The following SRP54 variants were observed in gnomAD, a reference collection of about 807,000 sequenced individuals.
The protein encoded by SRP54 is signal recognition particle subunit SRP54.
A neutral mutation model predicts 64.8 loss-of-function variants in SRP54; 10 were observed. The ratio of observed to expected loss-of-function variants is 0.15; its 90% CI spans 0.10 to 0.26. The LOEUF (loss-of-function observed/expected upper bound fraction) is 0.26, where lower values mean the gene tolerates loss of function less well. Among genes scored for constraint, SRP54 ranks in the 10% least tolerant of loss-of-function variants. The pLI is 1.00. For synonymous variants in SRP54, 193 were observed against 185.6 expected (o/e 1.04, Z -0.32); for missense variants, 325 against 613.7 (o/e 0.53, Z 4.97).
rs1423416501 is a variant in SRP54 at position 34,998,989 on chromosome 14, G to T, written c.79-569G>T. Reference sequence around the variant, plus strand: ...TTTGTGTGTATGTGTGTGTGTGTGTGTGTGTGTGTGTGTGTGTGTGTGTGG... The same window carrying T: ...TTTGTGTGTATGTGTGTGTGTGTGTTTGTGTGTGTGTGTGTGTGTGTGTGG... On this transcript the variant is annotated intron_variant, in intron 2 of 15. Transcript: ENST00000216774. 4.1e-3 allele frequency among the ~76,000 whole-genome samples: 388 copies of T among 94,514 alleles called. 3 individuals carry two copies. The highest frequency in any genetic ancestry group is 0.013 in the African/African-American group (369 of 29,464). 62.0% of individuals were successfully genotyped at this position (94,514 alleles called of 152,430 possible). A position where few individuals can be genotyped will look rare whatever the true frequency, so the allele number is the denominator to read the frequency against.
intron 14 of SRP54, among the ~76,000 whole-genome samples, chr14:35,026,875 G>A (rs372619831): frequency 6.6e-6 from 1 of 152,054 alleles, no homozygotes; most frequent in Non-Finnish European, 1.5e-5. Flanking sequence ...CCCGGGAGGC[G>A]GGGGTTGCAG....
intron 1 of SRP54, among the ~76,000 whole-genome samples, chr14:34,985,922 C>G (rs1341343143): frequency 6.6e-6 from 1 of 152,132 alleles, no homozygotes; most frequent in East Asian, 1.9e-4. Flanking sequence ...CCTCTTATCC[C>G]TCCTTTTCCT....
intron 13 of SRP54, among the ~76,000 whole-genome samples, chr14:35,020,274 A>C (rs2044507013): frequency 6.6e-6 from 1 of 152,190 alleles, no homozygotes; most frequent in Non-Finnish European, 1.5e-5. Context: ...TTGCTGGTGG[A>C]GGGCCTTAGC....
intron 1 of SRP54, among the ~76,000 whole-genome samples, chr14:34,986,763 C>T (rs2043901384): frequency 6.6e-6 from 1 of 151,746 alleles, no homozygotes; most frequent in Non-Finnish European, 1.5e-5. Context: ...CCTGTAATCC[C>T]AGCTACTTGG....
chr14:35,002,660 C>T (rs2044193813), intron 4 of SRP54, among the ~76,000 whole-genome samples: 1 of 148,874 alleles, frequency 6.7e-6, no homozygotes, highest in Non-Finnish European at 1.5e-5. Flanking sequence ...TGGTCTCTAT[C>T]TCTTGACCTA....
chr14:35,028,246 A>G (rs1029829194), intron 15 of SRP54, 63 bp downstream of exon 15: 1 of 1,015,910 alleles, frequency 9.8e-7, no homozygotes, highest in Non-Finnish European at 1.5e-6. Context: ...AGTTTTAATG[A>G]TAAGCCTTTT....
chr14:35,007,641 A>T (rs1333977794), intron 5 of SRP54, among the ~76,000 whole-genome samples: 33 of 87,688 alleles, frequency 3.8e-4, no homozygotes, highest in Admixed American at 3.8e-3. Context: ...TATTTATATT[A>T]TAATAAAATA....
intron 11 of SRP54, among the ~76,000 whole-genome samples, chr14:35,015,825 T>C (rs1402280315): frequency 6.6e-6 from 1 of 152,238 alleles, no homozygotes; most frequent in African/African-American, 2.4e-5. Context: ...TGCTGGTGTT[T>C]CTCAGGGATC....
chr14:35,027,287 C>T (rs1383534739), intron 14 of SRP54, among the ~76,000 whole-genome samples: 4 of 152,058 alleles, frequency 2.6e-5, no homozygotes, highest in Non-Finnish European at 4.4e-5. Flanking sequence ...GCCTCGGCCT[C>T]CCAGAGTGCT....
chr14:35,009,259 T>A (rs1487052231), intron 7 of SRP54, among the ~76,000 whole-genome samples: 1 of 151,576 alleles, frequency 6.6e-6, no homozygotes, highest in Admixed American at 6.6e-5. Context: ...TTGCCCAGGC[T>A]GGTCCCAAGC....
At chr14:35,006,288 T>C (rs1376604782) in intron 4 of SRP54, among the ~76,000 whole-genome samples, 3 of 152,238 alleles carry the variant, frequency 2.0e-5, no homozygotes, top group Admixed American at 1.3e-4. Flanking sequence ...GAATTTACAG[T>C]TTGACCTGGA....
chr14:35,005,846 G>A (rs1198091949), intron 4 of SRP54, among the ~76,000 whole-genome samples: 1 of 150,240 alleles, frequency 6.7e-6, no homozygotes, highest in Non-Finnish European at 1.5e-5. Flanking sequence ...GCTTTTTTTT[G>A]TTTTTGTTTT....
chr14:35,008,839 A>G lies in SRP54; in HGVS notation c.485+8A>G, dbSNP rs1351601451. ...AATTCCATTTTATGGAAGGTAGGTT[A>G]CTGTTTTTTATTTTAACACTTATAT... On this transcript the variant is annotated splice_region_variant and intron_variant, in intron 7 of 15. Transcript: ENST00000216774. 14 of 1,580,878 alleles carry G rather than the reference A, an allele frequency of 8.9e-6. No homozygotes were observed. The African/African-American group carries it at 1.2e-4, about 14-fold the overall frequency.
intron 1 of SRP54, among the ~76,000 whole-genome samples, chr14:34,983,653 G>A (rs2043844663): frequency 6.6e-6 from 1 of 152,210 alleles, no homozygotes; most frequent in Non-Finnish European, 1.5e-5. Context: ...AAGATAGACT[G>A]ATAGCTCTCT....
At chr14:35,001,076 T>C in intron 4 of SRP54, 56 bp downstream of exon 4, 1 of 813,556 alleles carries the variant, frequency 1.2e-6, no homozygotes, top group Non-Finnish European at 1.9e-6. Flanking sequence ...AAAAAAGCGT[T>C]AGCACTACAA....
chr14:35,007,242 T>C (rs1211593840), intron 4 of SRP54, 41 bp from the exon 5 acceptor site: 1 of 1,419,934 alleles, frequency 7.0e-7, no homozygotes, highest in East Asian at 2.4e-5. Context: ...TTTATATGTA[T>C]GTTAACCTGA....
Position 34,999,665 on chromosome 14 carries a change from C to A in SRP54, c.170+16C>A. Reference sequence around the variant, plus strand: ...AAAATGTTAAGTAAGTTAAATCAATCAGGTAAAACACAGGCACAGTTTAGT... The same window carrying A: ...AAAATGTTAAGTAAGTTAAATCAATAAGGTAAAACACAGGCACAGTTTAGT... On this transcript the variant is annotated intron_variant, in intron 3 of 15. Coordinates refer to ENST00000216774, the MANE Select transcript of SRP54 (RefSeq NM_003136.4). The A allele has an allele frequency of 6.4e-7, 1 of 1,560,566 alleles. No homozygotes were observed. The highest frequency in any genetic ancestry group is 8.8e-7 in the Non-Finnish European group (1 of 1,132,022).
Position 34,999,032 on chromosome 14 carries a change from T to TTG in SRP54, c.79-526_79-525insTG, listed in dbSNP as rs764235003. Among the ~76,000 whole-genome samples, 359 of 93,348 alleles carry TTG rather than the reference T, an allele frequency of 3.8e-3. 41 individuals are homozygous for TTG. The highest frequency in any genetic ancestry group is 5.6e-3 in the African/African-American group (154 of 27,376). 61.2% of individuals were successfully genotyped at this position (93,348 alleles called of 152,430 possible). On this transcript the variant is annotated intron_variant, in intron 2 of 15. Transcript: ENST00000216774. ...GTGTGTGGTTTTTTTTTTTTTTTTT[T>TTG]GAGACAAAGTCTCACTCTGTCACCC...
intron 8 of SRP54, among the ~76,000 whole-genome samples, 199 bp from the exon 9 acceptor site, chr14:35,013,147 G>A (rs1016468226): frequency 6.6e-5 from 10 of 151,840 alleles, no homozygotes; most frequent in East Asian, 1.9e-4. Flanking sequence ...TAGTAGAGAC[G>A]GGGTTTTCAC....
Sources: allele counts gnomAD v4.1 joint callset (sites outside exome capture counted in the v4.1 genomes callset), GRCh38; gene constraint gnomAD v4.1.1; transcripts MANE v1.5; gene names NCBI Gene and HGNC (gene_info 2026-07-23, HGNC 2026-07-21).